MUC5B: variants seen among roughly 807,000 people sequenced by gnomAD.
The protein encoded by MUC5B is mucin-5B.
Under a neutral mutation model 376.9 loss-of-function variants are expected in MUC5B, and 116 were observed. The observed-to-expected ratio is 0.31, with a 90% confidence interval of 0.26 to 0.36. The LOEUF is 0.36. Ranked by LOEUF, MUC5B falls within the 10% of genes least tolerant of loss-of-function variation. MUC5B has a pLI of 1.00. For synonymous variants in MUC5B, 3,517 were observed against 3,390.9 expected, an observed-to-expected ratio of 1.04 and a Z score of -1.29; for missense variants, 7,165 against 7,769.9, an observed-to-expected ratio of 0.92 and a Z score of 2.93.
At chr11:1,240,474 C>G (rs1590176048) in intron 30 of MUC5B, 99 bp downstream of exon 30, 13 of 1,140,332 alleles carry the variant, frequency 1.1e-5, no homozygotes, top group East Asian at 4.8e-5. Context: ...TAGCGACAGT[C>G]CCAATCCACT....
intron 25 of MUC5B, among the ~76,000 whole-genome samples, chr11:1,237,606 A>G (rs1862187362): frequency 6.6e-6 from 1 of 152,232 alleles, no homozygotes; most frequent in Non-Finnish European, 1.5e-5. Flanking sequence ...GCGGTGGCTC[A>G]TGTCTGTAAT....
At position 1,241,892 on chromosome 11, in the gene MUC5B, C is replaced by T. The variant is rs755271488; in HGVS notation, c.5012C>T (p.Thr1671Met). 1.8e-5 allele frequency: 29 copies of T among 1,611,952 alleles called. No individual in the cohort carries two copies. The highest frequency in any genetic ancestry group is 1.8e-4 in the East Asian group (8 of 44,780). The change falls in exon 31 of 49, where the codon ACG (threonine) becomes ATG (methionine). Residue 1671 changes from threonine to methionine, a missense_variant. Thr to Met is a moderately conservative substitution (Grantham distance 81). This residue lies in a region of MUC5B where 897 missense variants were observed against 779.6 expected (regional missense o/e 1.15). Transcript: ENST00000529681. ...ACAAGCACCCTTGGTACAGCCACCA[C>T]GGGAGGCCCCACGACGCCTGCAGGC... Reference protein sequence around the residue: ...RYTSTLGTATTGGPTTPAGST... With the variant: ...RYTSTLGTATMGGPTTPAGST...
chr11:1,238,499 G>A (rs1862202864), intron 25 of MUC5B, among the ~76,000 whole-genome samples: 1 of 152,198 alleles, frequency 6.6e-6, no homozygotes, highest in African/African-American at 2.4e-5. Flanking sequence ...GGGGTGCTAT[G>A]CTCCACATGG....
chr11:1,260,391 A>G lies in MUC5B; in HGVS notation c.16964A>G (p.Glu5655Gly), dbSNP rs367707980. 2.5e-5 allele frequency: 41 copies of G among 1,612,310 alleles called. No individual in the cohort carries two copies. The African/African-American group carries it at 5.5e-4, about 22-fold the overall frequency. ...RKTGCCYSCE[E>G]DSCQVRINTT... ...ACCGGCTGCTGCTACTCCTGTGAGG[A>G]GGGTAAGTGGAAGCCACCTTCCCAC... The change falls in exon 47 of 49, where the codon GAG (glutamate) becomes GGG (glycine). Residue 5655 changes from glutamate (E) to glycine (G), a missense_variant and splice_region_variant. By Grantham distance (98) the Glu-to-Gly change is moderately conservative. This residue lies in a region of MUC5B where 842 missense variants were observed against 1,016.9 expected (regional missense o/e 0.83). Transcript: ENST00000529681.
Position 1,234,147 on chromosome 11 carries a change from C to T in MUC5B, c.2378-58C>T. On this transcript the variant is annotated intron_variant, in intron 19 of 48. Coordinates refer to ENST00000529681, the MANE Select transcript of MUC5B (RefSeq NM_002458.3). The surrounding 1 kb of genome is among the most constrained non-coding windows in gnomAD (Gnocchi z 6.3). ...GGACAGGCTCAGGGCTGCCTGGGGT[C>T]AGTTGAGGGCCGTGGCTGCCCTTCC... is the stretch of plus-strand genomic sequence containing the variant. The T allele has an allele frequency of 7.2e-7, 1 of 1,384,416 alleles. No individual in the cohort carries two copies. The highest frequency in any genetic ancestry group is 1.0e-6 in the Non-Finnish European group (1 of 996,892). 85.8% of individuals were successfully genotyped at this position (1,384,416 alleles called of 1,614,324 possible). A position where few individuals can be genotyped will look rare whatever the true frequency, so the allele number is the denominator to read the frequency against.
At position 1,242,099 on chromosome 11, in the gene MUC5B, C is replaced by A. The variant is rs756385572; in HGVS notation, c.5219C>A (p.Pro1740Gln). ...ACAGCCAGCACCGCTTCCAAAGAGC[C>A]GCTGACCACGAGCCTGGCGCCAACA... Reference protein sequence around the residue: ...TGTASTASKEPLTTSLAPTLT... With the variant: ...TGTASTASKEQLTTSLAPTLT... The change falls in exon 31 of 49, where the codon CCG (proline) becomes CAG (glutamine). Residue 1740 changes from proline (P) to glutamine (Q), a missense_variant. Pro to Gln is a moderately conservative substitution (Grantham distance 76). This residue lies in a region of MUC5B where 897 missense variants were observed against 779.6 expected (regional missense o/e 1.15). Transcript: ENST00000529681. The A allele has an allele frequency of 6.2e-7, 1 of 1,612,666 alleles. No homozygotes were observed. Among genetic ancestry groups the A allele is most frequent in the African/African-American group, 1.3e-5 (1 of 75,012 alleles).
At chr11:1,261,051 G>T (rs1212209367) in intron 48 of MUC5B, among the ~76,000 whole-genome samples, 1 of 152,254 alleles carries the variant, frequency 6.6e-6, no homozygotes, top group Non-Finnish European at 1.5e-5. Flanking sequence ...TGCCACTGTG[G>T]TTGGCTGTCA....
chr11:1,243,711 G>C lies in MUC5B; in HGVS notation c.6831G>C (p.Thr2277=), dbSNP rs200834421. 5.0e-6 allele frequency: 8 copies of C among 1,611,014 alleles called. No individual in the cohort carries two copies. In the African/African-American group the frequency reaches 9.4e-5, roughly 19 times the overall value. Reference sequence around the variant, plus strand: ...GGACGACCACCCCGGGCCACACCACGGCCACCTCCAGGACCACAGCCACGG... The same window carrying C: ...GGACGACCACCCCGGGCCACACCACCGCCACCTCCAGGACCACAGCCACGG... ...SPGTTTPGHT[T]ATSRTTATAT... Residue 2277 remains threonine (T), a synonymous_variant, in exon 31 of 49, where the codon ACG becomes ACC. Coordinates refer to ENST00000529681, the MANE Select transcript of MUC5B (RefSeq NM_002458.3).
At position 1,244,817 on chromosome 11, in the gene MUC5B, C is replaced by G; in HGVS notation, c.7937C>G (p.Thr2646Arg). The change falls in exon 31 of 49, where the codon ACG becomes AGG. Residue 2646 changes from threonine to arginine, a missense_variant. Physicochemically the swap from Thr to Arg is moderately conservative, Grantham distance 71. Coordinates refer to ENST00000529681, the MANE Select transcript of MUC5B (RefSeq NM_002458.3). Reference sequence around the variant, plus strand: ...ACCACACCCACAACCAGAGGTTCCACGGTGACCCCCTCCTCCATCCCGGGG... The same window carrying G: ...ACCACACCCACAACCAGAGGTTCCAGGGTGACCCCCTCCTCCATCCCGGGG... ...TTTTPTTRGS[T>R]VTPSSIPGTT... 1 of 1,613,650 alleles carries G rather than the reference C, an allele frequency of 6.2e-7. No individual in the cohort carries two copies. Among genetic ancestry groups the G allele is most frequent in the Non-Finnish European group, 8.5e-7 (1 of 1,179,734 alleles).
At position 1,226,128 on chromosome 11, in the gene MUC5B, G is replaced by T. The variant is rs1861874302; in HGVS notation, c.128-77G>T. ...CCCTTCAACTCTGGTGGCTGGCGAG[G>T]AGGGTGGGCCCCGGGGAGGGTGTCT... On this transcript the variant is annotated intron_variant, in intron 2 of 48. Coordinates refer to ENST00000529681, the MANE Select transcript of MUC5B (RefSeq NM_002458.3). The T allele has an allele frequency of 7.1e-6, 10 of 1,411,896 alleles. No homozygotes were observed. The Admixed American group carries it at 1.9e-4, about 26-fold the overall frequency. The allele number at this position is 1,411,896 out of a possible 1,614,324, so 87.5% of individuals were successfully genotyped here. A position where few individuals can be genotyped will look rare whatever the true frequency, so the allele number is the denominator to read the frequency against.
At chr11:1,238,833 A>T (rs377054986) in intron 25 of MUC5B, 38 bp from the exon 26 acceptor site, 1 of 1,535,258 alleles carries the variant, frequency 6.5e-7, no homozygotes, top group Admixed American at 2.0e-5. Context: ...CGGGGGGGCC[A>T]TTGTCCCGGC....
At chr11:1,231,897 C>T (rs1590170502) in intron 14 of MUC5B, 99 bp from the exon 15 acceptor site, 2 of 1,501,908 alleles carry the variant, frequency 1.3e-6, no homozygotes, top group African/African-American at 1.4e-5. Context: ...ACAGGGCTCC[C>T]AGCCGTTCCA....
chr11:1,234,411 G>T lies in MUC5B; in HGVS notation c.2478+106G>T. ...CCTGGAGACACTTACCCACCTGGAA[G>T]CTCCGCCCTGGCCCATGCGTTGCCC... On this transcript the variant is annotated intron_variant, in intron 20 of 48. Coordinates refer to ENST00000529681, the MANE Select transcript of MUC5B (RefSeq NM_002458.3). The surrounding 1 kb of genome is among the most constrained non-coding windows in gnomAD (Gnocchi z 6.3). 1.3e-6 allele frequency: 2 copies of T among 1,498,278 alleles called. No individual in the cohort carries two copies. Among genetic ancestry groups the T allele is most frequent in the Non-Finnish European group, 1.8e-6 (2 of 1,107,510 alleles). 92.8% of individuals were successfully genotyped at this position (1,498,278 alleles called of 1,614,324 possible). A position where few individuals can be genotyped will look rare whatever the true frequency, so the allele number is the denominator to read the frequency against.
chr11:1,257,711 G>C lies in MUC5B; in HGVS notation c.16450+1G>C. On this transcript the variant is annotated splice_donor_variant, in intron 41 of 48. Transcript: ENST00000529681. LOFTEE classifies it high-confidence loss of function. The surrounding 1 kb of genome is among the most constrained non-coding windows in gnomAD (Gnocchi z 8.9). ...CCCTGCTGCCCCGAGACGGTGTGCG[G>C]TAAGACGCTGCAGAGCAGAGGTGCC... 1 of 1,546,622 alleles carries C rather than the reference G, an allele frequency of 6.5e-7. No homozygotes were observed. Among genetic ancestry groups the C allele is most frequent in the Non-Finnish European group, 8.7e-7 (1 of 1,152,738 alleles).
rs757894898 is a variant in MUC5B at position 1,243,296 on chromosome 11, C to T, written c.6416C>T (p.Thr2139Met). ...CCATCACTGACCACCACGGCCACTA[C>T]GATCACGGCCACCGGCTCCACCACC... ...TPPSLTTTAT[T>M]ITATGSTTNP... The change falls in exon 31 of 49, where the codon ACG becomes ATG. Residue 2139 changes from threonine (T) to methionine (M), a missense_variant. Thr to Met is a moderately conservative substitution (Grantham distance 81). Coordinates refer to ENST00000529681, the MANE Select transcript of MUC5B (RefSeq NM_002458.3). The T allele has an allele frequency of 4.0e-5, 63 of 1,557,308 alleles. No homozygotes were observed. Among genetic ancestry groups the T allele is most frequent in the Middle Eastern group, 1.7e-4 (1 of 5,972 alleles).
chr11:1,232,030 C>T lies in MUC5B; in HGVS notation c.1713C>T (p.Asp571=), dbSNP rs764124608. 1.7e-5 allele frequency: 28 copies of T among 1,612,682 alleles called. 1 individual carries two copies. The highest frequency in any genetic ancestry group is 5.3e-5 in the African/African-American group (4 of 74,936). ...GGAACTTCAACCAGAACCAGGCTGA[C>T]GACTTCACGGCCCTCAGCGGGGTGG... ...LCGNFNQNQA[D]DFTALSGVVE... Residue 571 remains aspartate (D), a synonymous_variant, in exon 15 of 49, where the codon GAC becomes GAT. Transcript: ENST00000529681.
intron 14 of MUC5B, 127 bp from the exon 15 acceptor site, chr11:1,231,869 T>C (rs1282293615): frequency 7.5e-7 from 1 of 1,332,424 alleles, no homozygotes; most frequent in African/African-American, 1.5e-5. Context: ...CAGAGGGTTC[T>C]GGGAGCAGAA....
At position 1,231,417 on chromosome 11, in the gene MUC5B, C is replaced by T. The variant is rs759113038; in HGVS notation, c.1541-6C>T. 19 of 1,605,534 alleles carry T rather than the reference C, an allele frequency of 1.2e-5. No individual in the cohort carries two copies. The highest frequency in any genetic ancestry group is 1.4e-5 in the Non-Finnish European group (17 of 1,175,540). ...CTGACCGGCCTCTCCCCCACACTCC[C>T]GGCAGCCAACATCACCCTGTTCACA... On this transcript the variant is annotated splice_polypyrimidine_tract_variant and splice_region_variant and intron_variant, in intron 13 of 48. Transcript: ENST00000529681.
At position 1,235,290 on chromosome 11, in the gene MUC5B, C is replaced by A. The variant is rs373659344; in HGVS notation, c.2770-13C>A. The A allele has an allele frequency of 6.4e-4, 1,038 of 1,611,442 alleles. 12 individuals carry two copies. The South Asian group carries it at 0.011, about 16-fold the overall frequency. ...CCAGCCCGCGGCCAGCAGCTTGTCTCTTTCTGGCCCAGGACTACTGTGGGG... is the reference window on the plus strand; with the variant it reads ...CCAGCCCGCGGCCAGCAGCTTGTCTATTTCTGGCCCAGGACTACTGTGGGG... On this transcript the variant is annotated splice_polypyrimidine_tract_variant and intron_variant, in intron 22 of 48. Transcript: ENST00000529681.
Sources: allele counts gnomAD v4.1 joint callset (sites outside exome capture counted in the v4.1 genomes callset), GRCh38; gene constraint gnomAD v4.1.1; regional missense constraint gnomAD v4.1.1; non-coding constraint Gnocchi (gnomAD v3.1); transcripts MANE v1.5; gene names NCBI Gene and HGNC (gene_info 2026-07-23, HGNC 2026-07-21).